Variants in UBE3D observed in about 807,000 individuals in gnomAD.
UBE3D encodes E3 ubiquitin-protein ligase E3D.
In UBE3D, 48 loss-of-function variants were observed where a neutral mutation model predicts 49.6. The observed-to-expected ratio is 0.97, with a 90% confidence interval of 0.77 to 1.23. UBE3D has a LOEUF of 1.23. Among genes scored for constraint, UBE3D ranks in the 50% most tolerant of loss-of-function variants. UBE3D has a pLI of 0.00. For synonymous variants in UBE3D, 189 were observed against 174.2 expected, an observed-to-expected ratio of 1.08 and a Z score of -0.67; for missense variants, 452 against 468.4, an observed-to-expected ratio of 0.96 and a Z score of 0.32.
At chr6:83,052,055 A>C (rs926340311) in intron 3 of UBE3D, among the ~76,000 whole-genome samples, 1 of 152,268 alleles carries the variant, frequency 6.6e-6, no homozygotes, top group Non-Finnish European at 1.5e-5. Flanking sequence ...TAATTATAGC[A>C]GTAGCTAATA....
intron 8 of UBE3D, among the ~76,000 whole-genome samples, chr6:82,964,941 T>C (rs1776805902): frequency 6.6e-6 from 1 of 152,094 alleles, no homozygotes; most frequent in Non-Finnish European, 1.5e-5. Flanking sequence ...CATAAGAAAA[T>C]TTTTCTTTGA....
chr6:82,969,824 T>A (rs977902978), intron 8 of UBE3D, among the ~76,000 whole-genome samples: 2 of 151,994 alleles, frequency 1.3e-5, no homozygotes, highest in Non-Finnish European at 2.9e-5. Context: ...CAGAACTGGA[T>A]AAAATAATAT....
chr6:83,022,183 T>C (rs1017618144), intron 7 of UBE3D, among the ~76,000 whole-genome samples: 2 of 152,088 alleles, frequency 1.3e-5, no homozygotes, highest in African/African-American at 4.8e-5. Flanking sequence ...TGGGCCACCA[T>C]GTCAGGCTAA....
At chr6:82,993,822 A>G (rs911498869) in intron 8 of UBE3D, among the ~76,000 whole-genome samples, 2 of 152,234 alleles carry the variant, frequency 1.3e-5, no homozygotes, top group Non-Finnish European at 2.9e-5. Flanking sequence ...ATATTCTTGT[A>G]GAATTTATCA....
At chr6:82,999,542 A>AC (rs1779477593) in intron 8 of UBE3D, among the ~76,000 whole-genome samples, 1 of 151,958 alleles carries the variant, frequency 6.6e-6, no homozygotes, top group Non-Finnish European at 1.5e-5. Flanking sequence ...ACACCACCAC[A>AC]CCCAGCTAAT....
At chr6:82,904,869 A>G (rs182048730) in intron 9 of UBE3D, among the ~76,000 whole-genome samples, 61 of 152,302 alleles carry the variant, frequency 4.0e-4, no homozygotes, top group Non-Finnish European at 6.8e-4. Flanking sequence ...CTATAAACCT[A>G]TAGCATTTTC....
chr6:82,963,928 T>G (rs952816374), intron 8 of UBE3D, among the ~76,000 whole-genome samples: 5 of 152,200 alleles, frequency 3.3e-5, no homozygotes, highest in African/African-American at 4.8e-5. Context: ...CTATTGGACC[T>G]AAATCAGTAA....
At chr6:82,945,098 C>T (rs944950527) in intron 9 of UBE3D, among the ~76,000 whole-genome samples, 4 of 152,166 alleles carry the variant, frequency 2.6e-5, no homozygotes, top group Admixed American at 2.6e-4. Flanking sequence ...ATAGTAGAGC[C>T]CTAGGGCCTT....
chr6:82,957,563 T>A, intron 8 of UBE3D, 113 bp from the exon 9 acceptor site: 1 of 1,231,074 alleles, frequency 8.1e-7, no homozygotes, highest in Non-Finnish European at 1.1e-6. Flanking sequence ...GTACAAAAAC[T>A]AGAAATAAAC....
At chr6:82,982,750 A>G (rs1301003566) in intron 8 of UBE3D, among the ~76,000 whole-genome samples, 1 of 152,104 alleles carries the variant, frequency 6.6e-6, no homozygotes, top group Admixed American at 6.5e-5. Context: ...GATCATCAAC[A>G]AGTTCCATTA....
chr6:83,046,500 T>C (rs1157649844), intron 3 of UBE3D, among the ~76,000 whole-genome samples: 1 of 152,178 alleles, frequency 6.6e-6, no homozygotes, highest in Non-Finnish European at 1.5e-5. Context: ...GTACATTTCC[T>C]ATAAGTCTAC....
intron 9 of UBE3D, among the ~76,000 whole-genome samples, chr6:82,897,494 G>A (rs898574282): frequency 6.6e-6 from 1 of 152,076 alleles, no homozygotes; most frequent in Admixed American, 6.5e-5. Flanking sequence ...GGGAGGCTGA[G>A]GCAGGAGAAT....
intron 9 of UBE3D, among the ~76,000 whole-genome samples, chr6:82,904,502 C>T (rs1204485125): frequency 6.6e-6 from 1 of 152,198 alleles, no homozygotes; most frequent in Non-Finnish European, 1.5e-5. Flanking sequence ...CTCTTGGAGC[C>T]TTAGCTCCCT....
At chr6:82,895,583 A>G (rs1472237565) in intron 9 of UBE3D, among the ~76,000 whole-genome samples, 1 of 152,214 alleles carries the variant, frequency 6.6e-6, no homozygotes, top group African/African-American at 2.4e-5. Flanking sequence ...CAGGATGTAC[A>G]TGAAATTTGT....
At chr6:82,914,990 A>G (rs918523909) in intron 9 of UBE3D, among the ~76,000 whole-genome samples, 10 of 152,182 alleles carry the variant, frequency 6.6e-5, no homozygotes, top group African/African-American at 2.4e-4. Flanking sequence ...GTTGTACCTG[A>G]AACCCTGAGT....
intron 3 of UBE3D, among the ~76,000 whole-genome samples, chr6:83,045,316 T>G (rs1782956193): frequency 1.3e-5 from 2 of 152,220 alleles, no homozygotes; most frequent in African/African-American, 4.8e-5. Context: ...CTATCATTTT[T>G]CCATTTCTGC....
At chr6:82,950,237 C>A (rs1775689512) in intron 9 of UBE3D, among the ~76,000 whole-genome samples, 1 of 152,068 alleles carries the variant, frequency 6.6e-6, no homozygotes, top group African/African-American at 2.4e-5. Context: ...AGAATATACA[C>A]AATTGGCAAA....
chr6:82,960,922 T>C (rs1416961578), intron 8 of UBE3D, among the ~76,000 whole-genome samples: 1 of 152,204 alleles, frequency 6.6e-6, no homozygotes, highest in Non-Finnish European at 1.5e-5. Flanking sequence ...TAGGGTTCAC[T>C]GAAGCTACTT....
intron 9 of UBE3D, among the ~76,000 whole-genome samples, chr6:82,939,906 C>T (rs1774882300): frequency 6.6e-6 from 1 of 152,218 alleles, no homozygotes; most frequent in Non-Finnish European, 1.5e-5. Flanking sequence ...CTGCTTCTCT[C>T]AATAAAGCAA....
Sources: allele counts gnomAD v4.1 joint callset (sites outside exome capture counted in the v4.1 genomes callset), GRCh38; gene constraint gnomAD v4.1.1; transcripts MANE v1.5; gene names NCBI Gene and HGNC (gene_info 2026-07-23, HGNC 2026-07-21).